MAP2K1: variants seen among roughly 807,000 people sequenced by gnomAD.
MAP2K1 encodes the protein dual specificity mitogen-activated protein kinase kinase 1.
Under a neutral mutation model 46.3 loss-of-function variants are expected in MAP2K1, and 16 were observed. The ratio of observed to expected loss-of-function variants is 0.35; its 90% CI spans 0.23 to 0.52. The LOEUF (loss-of-function observed/expected upper bound fraction) is 0.52. Ranked by LOEUF, MAP2K1 falls within the 20% of genes least tolerant of loss-of-function variation. The pLI is 0.94. For missense variants in MAP2K1, 263 were observed against 497.1 expected, an observed-to-expected ratio of 0.53 and a Z score of 4.48; for synonymous variants, 183 against 185.6, an observed-to-expected ratio of 0.99 and a Z score of 0.11.
intron 5 of MAP2K1, among the ~76,000 whole-genome samples, chr15:66,477,115 A>T (rs1208514102): frequency 6.6e-6 from 1 of 151,728 alleles, no homozygotes; most frequent in African/African-American, 2.4e-5. Context: ...CTCCTCTCCA[A>T]CCCCTTCCAT....
intron 5 of MAP2K1, among the ~76,000 whole-genome samples, chr15:66,469,564 AAGG>A (rs1892562595): frequency 6.9e-6 from 1 of 145,488 alleles, no homozygotes; most frequent in African/African-American, 2.5e-5. Context: ...GTGCAAGAGA[AAGG>A]AGAGAGAGCA....
chr15:66,407,115 G>A (rs970061570), intron 1 of MAP2K1, among the ~76,000 whole-genome samples: 2 of 152,158 alleles, frequency 1.3e-5, no homozygotes, highest in African/African-American at 4.8e-5. Context: ...AGCATCCAGA[G>A]GGCTCCGTGT....
chr15:66,466,284 G>T (rs1029491489), intron 5 of MAP2K1, among the ~76,000 whole-genome samples: 1 of 152,204 alleles, frequency 6.6e-6, no homozygotes, highest in Non-Finnish European at 1.5e-5. Context: ...CTATATTGCC[G>T]TAAGTTAAGA....
At chr15:66,449,231 ATAT>A (rs778912420) in intron 5 of MAP2K1, among the ~76,000 whole-genome samples, 2 of 152,194 alleles carry the variant, frequency 1.3e-5, no homozygotes, top group African/African-American at 2.4e-5. Flanking sequence ...AGCAACAAAA[ATAT>A]TATTATCAGA....
intron 5 of MAP2K1, among the ~76,000 whole-genome samples, chr15:66,475,751 C>T (rs1259065415): frequency 7.9e-5 from 12 of 152,194 alleles, no homozygotes; most frequent in Non-Finnish European, 1.6e-4. Context: ...AACGAGTCCA[C>T]GGGGCCTTGA....
At chr15:66,435,258 A>G (rs2140580233) in intron 2 of MAP2K1, 21 bp downstream of exon 2, 1 of 1,600,104 alleles carries the variant, frequency 6.2e-7, no homozygotes, top group Non-Finnish European at 8.6e-7. Context: ...CTTGATTAAC[A>G]GGTAATTGGA....
chr15:66,409,016 T>A (rs1304997493), intron 1 of MAP2K1, among the ~76,000 whole-genome samples: 1 of 151,992 alleles, frequency 6.6e-6, no homozygotes, highest in African/African-American at 2.4e-5. Context: ...TTATGAGGGG[T>A]GATTCTTTTC....
At chr15:66,453,457 T>G in intron 5 of MAP2K1, 1 of 702,106 alleles carries the variant, frequency 1.4e-6, no homozygotes, top group Non-Finnish European at 2.6e-6. Context: ...TTTACAAGTC[T>G]TCTCCAGAAG....
intron 1 of MAP2K1, among the ~76,000 whole-genome samples, chr15:66,396,560 G>A (rs542778428): frequency 5.3e-5 from 8 of 150,808 alleles, no homozygotes; most frequent in African/African-American, 7.3e-5. Context: ...GTGAGACACC[G>A]TATCTGCCCC....
At chr15:66,429,679 GTC>G (rs1567007428) in intron 1 of MAP2K1, among the ~76,000 whole-genome samples, 1 of 18,832 alleles carries the variant, frequency 5.3e-5, no homozygotes, top group African/African-American at 1.3e-4. Flanking sequence ...CCCCCCCCCC[GTC>G]CCCCCCAACA....
At chr15:66,464,994 G>A (rs1278580198) in intron 5 of MAP2K1, among the ~76,000 whole-genome samples, 2 of 151,428 alleles carry the variant, frequency 1.3e-5, no homozygotes, top group African/African-American at 4.8e-5. Context: ...AGGTAGAGGC[G>A]GGTGGATTAC....
rs981498266 is a variant in MAP2K1 at position 66,424,595 on chromosome 15, GTTGCATACA to G, written c.81-10429_81-10421del. ...ATCTTGCACTTAGCGGGGAGCCTGAGTTGCATACATTTATTTTTTTTCTCAGTCTTTCTA... is the reference window on the plus strand; with the variant it reads ...ATCTTGCACTTAGCGGGGAGCCTGAGTTTATTTTTTTTCTCAGTCTTTCTA... On this transcript the variant is annotated intron_variant, in intron 1 of 10. Transcript: ENST00000307102. 1.1e-4 allele frequency among the ~76,000 whole-genome samples: 16 copies of G among 152,060 alleles called. No individual in the cohort carries two copies. The East Asian group carries it at 3.1e-3, about 29-fold the overall frequency.
In MAP2K1 at chr15:66,443,354, T is replaced by A. The variant is rs1022480087; in HGVS notation, c.513T>A (p.Ile171=). 1 of 1,596,986 alleles carries A rather than the reference T, an allele frequency of 6.3e-7. No individual in the cohort carries two copies. The highest frequency in any genetic ancestry group is 8.6e-7 in the Non-Finnish European group (1 of 1,164,556). ...AACAAATTTTAGGAAAAGTTAGCAT[T>A]GCTGTGAGTATGTTATGAAGTTTTT... ...IPEQILGKVS[I]AVIKGLTYLR... Residue 171 remains isoleucine (I), a synonymous_variant, in exon 4 of 11, where the codon ATT becomes ATA. Transcript: ENST00000307102.
chr15:66,412,925 T>G (rs373306234), intron 1 of MAP2K1, among the ~76,000 whole-genome samples: 7 of 152,164 alleles, frequency 4.6e-5, no homozygotes, highest in Admixed American at 2.0e-4. Context: ...TGACACAGTC[T>G]CTCTCTGTCG....
At chr15:66,483,321 C>A (rs1254232034) in intron 6 of MAP2K1, among the ~76,000 whole-genome samples, 1 of 152,140 alleles carries the variant, frequency 6.6e-6, no homozygotes, top group East Asian at 1.9e-4. Context: ...TCCAGTGACC[C>A]ACAGTGGAAC....
intron 3 of MAP2K1, among the ~76,000 whole-genome samples, chr15:66,442,609 ACAAT>A (rs972138576): frequency 1.3e-5 from 2 of 152,186 alleles, no homozygotes; most frequent in African/African-American, 4.8e-5. Flanking sequence ...TCACACCACA[ACAAT>A]CAACACAGAA....
chr15:66,389,572 GTT>G (rs375412152), intron 1 of MAP2K1, among the ~76,000 whole-genome samples: 108 of 86,956 alleles, frequency 1.2e-3, no homozygotes, highest in Admixed American at 1.8e-3. Flanking sequence ...CTCTGTTGTG[GTT>G]TTTTTTTTTT....
At chr15:66,473,995 A>G (rs1226456256) in intron 5 of MAP2K1, among the ~76,000 whole-genome samples, 1 of 152,076 alleles carries the variant, frequency 6.6e-6, no homozygotes, top group Non-Finnish European at 1.5e-5. Context: ...AAATTTAGAT[A>G]ATTTATTGGA....
intron 1 of MAP2K1, among the ~76,000 whole-genome samples, chr15:66,392,554 C>CTTTT (rs71287024): frequency 7.7e-6 from 1 of 129,052 alleles, no homozygotes; most frequent in Non-Finnish European, 1.7e-5. Flanking sequence ...CTTTTCTTTT[C>CTTTT]TTTTTTTTTT....
Sources: allele counts gnomAD v4.1 joint callset (sites outside exome capture counted in the v4.1 genomes callset), GRCh38; gene constraint gnomAD v4.1.1; transcripts MANE v1.5; gene names NCBI Gene and HGNC (gene_info 2026-07-23, HGNC 2026-07-21).